The following MROH9 variants were observed in gnomAD, a reference collection of about 807,000 sequenced individuals.
MROH9 encodes maestro heat like repeat family member 9.
A neutral mutation model predicts 98.2 loss-of-function variants in MROH9; 92 were observed. The observed-to-expected ratio is 0.94, with a 90% confidence interval of 0.79 to 1.11. MROH9 has a LOEUF of 1.11. Ranked by LOEUF, MROH9 falls within the 50% of genes most tolerant of loss-of-function variation. The pLI, the probability that MROH9 is intolerant of heterozygous loss-of-function variation, is 0.00. For synonymous variants in MROH9, 397 were observed against 368.9 expected (o/e 1.08, Z -0.87); for missense variants, 1,057 against 1,014.8 (o/e 1.04, Z -0.57).
chr1:171,024,588 T>C, intron 18 of MROH9, 41 bp downstream of exon 18: 1 of 1,529,298 alleles, frequency 6.5e-7, no homozygotes, highest in Non-Finnish European at 8.8e-7. Context: ...TTACCAAGGA[T>C]TGTAATGTTT....
chr1:170,946,742 A>T (rs1649345057), intron 2 of MROH9, among the ~76,000 whole-genome samples: 1 of 152,016 alleles, frequency 6.6e-6, no homozygotes, highest in Non-Finnish European at 1.5e-5. Context: ...TAAAATAATT[A>T]TCAAAGGGCT....
intron 9 of MROH9, among the ~76,000 whole-genome samples, chr1:170,986,174 G>T (rs2101802459): frequency 6.6e-6 from 1 of 152,190 alleles, no homozygotes; most frequent in Non-Finnish European, 1.5e-5. Flanking sequence ...AAAGAGGAAA[G>T]TCCATGCCTT....
intron 20 of MROH9, among the ~76,000 whole-genome samples, chr1:171,045,449 T>C (rs1435603048): frequency 6.6e-6 from 1 of 152,176 alleles, no homozygotes; most frequent in Non-Finnish European, 1.5e-5. Flanking sequence ...ACTTCTCTCT[T>C]AGTACCGCTT....
At chr1:171,052,010 C>A (rs10913470) in intron 20 of MROH9, among the ~76,000 whole-genome samples, 1 of 151,554 alleles carries the variant, frequency 6.6e-6, no homozygotes, top group Admixed American at 6.6e-5. Context: ...TAGAATTCAA[C>A]TGTGGATCAG....
intron 20 of MROH9, among the ~76,000 whole-genome samples, chr1:171,025,758 A>G (rs1652688169): frequency 6.6e-6 from 1 of 152,190 alleles, no homozygotes; most frequent in Non-Finnish European, 1.5e-5. Context: ...TAAAAACATC[A>G]TCTTCGACCA....
At chr1:170,961,281 T>G (rs969899138) in intron 5 of MROH9, among the ~76,000 whole-genome samples, 1 of 152,116 alleles carries the variant, frequency 6.6e-6, no homozygotes, top group Non-Finnish European at 1.5e-5. Flanking sequence ...TATAAACAGC[T>G]AAGGCAAGAG....
At chr1:171,045,150 G>A (rs1267748012) in intron 20 of MROH9, among the ~76,000 whole-genome samples, 4 of 150,934 alleles carry the variant, frequency 2.7e-5, no homozygotes, top group South Asian at 2.1e-4. Context: ...ACAGGCGCCC[G>A]CCACCACGCC....
chr1:171,033,241 C>T lies in MROH9; in HGVS notation c.2281+7821C>T, dbSNP rs111661144. ...TCCCAGTGCTGGCTGCTGCCCCTCC[C>T]CCAAGGAGCTCAAATGGCTTAGGGT... On this transcript the variant is annotated intron_variant, in intron 20 of 21. Coordinates refer to ENST00000367759, the MANE Select transcript of MROH9 (RefSeq NM_001163629.2). 7.3e-3 allele frequency among the ~76,000 whole-genome samples: 1,113 copies of T among 152,364 alleles called. 16 individuals are homozygous for T. The highest frequency in any genetic ancestry group is 0.025 in the African/African-American group (1,022 of 41,586).
chr1:170,959,848 A>G (rs77432863), intron 5 of MROH9, among the ~76,000 whole-genome samples: 2,106 of 152,324 alleles, frequency 0.014, 19 homozygotes, highest in Non-Finnish European at 0.02. Flanking sequence ...TAGCAAGAAT[A>G]GGGAGTTTGC....
chr1:171,010,563 G>A (rs762635194), intron 15 of MROH9, among the ~76,000 whole-genome samples: 3 of 152,114 alleles, frequency 2.0e-5, no homozygotes, highest in Non-Finnish European at 4.4e-5. Flanking sequence ...AGTGTAAAAG[G>A]GTTCCTATTT....
intron 20 of MROH9, among the ~76,000 whole-genome samples, chr1:171,041,638 A>G (rs112300739): frequency 2.0e-4 from 30 of 151,838 alleles, no homozygotes; most frequent in Middle Eastern, 3.4e-3. Flanking sequence ...TTATTTGAGA[A>G]ATCAACATAA....
chr1:171,012,716 G>T (rs1327625967), intron 15 of MROH9, among the ~76,000 whole-genome samples: 1 of 151,888 alleles, frequency 6.6e-6, no homozygotes, highest in African/African-American at 2.4e-5. Context: ...TGTTATCCAG[G>T]ATGGTCTCGA....
Position 170,971,774 on chromosome 1 carries a change from T to A in MROH9, c.507T>A (p.Gly169=). The part of the protein sequence containing the change: ...KYISVDAPCL[G]LLAAELSLLC... Reference sequence around the variant, plus strand: ...TAAGTGTTGATGCTCCATGTTTGGGTCTCCTGGCAGCAGAGCTGTCTCTTT... The same window carrying A: ...TAAGTGTTGATGCTCCATGTTTGGGACTCCTGGCAGCAGAGCTGTCTCTTT... Residue 169 remains glycine, a synonymous_variant, in exon 8 of 22, where the codon GGT becomes GGA. Transcript: ENST00000367759. The A allele has an allele frequency of 6.2e-7, 1 of 1,614,094 alleles. No individual in the cohort carries two copies. The highest frequency in any genetic ancestry group is 1.7e-5 in the Admixed American group (1 of 60,018).
chr1:170,937,600 C>G (rs533726707), intron 1 of MROH9, among the ~76,000 whole-genome samples: 2,323 of 144,892 alleles, frequency 0.016, 32 homozygotes, highest in South Asian at 0.041. Flanking sequence ...CGGCTCACTG[C>G]AAGCTCCGCC....
At chr1:170,960,322 T>C (rs951618540) in intron 5 of MROH9, among the ~76,000 whole-genome samples, 3 of 152,220 alleles carry the variant, frequency 2.0e-5, no homozygotes, top group Non-Finnish European at 4.4e-5. Context: ...TACCCAGAGA[T>C]ACTTTTACTT....
At chr1:170,961,863 T>C (rs1001394643) in intron 5 of MROH9, 27 bp from the exon 6 acceptor site, 13 of 1,210,384 alleles carry the variant, frequency 1.1e-5, no homozygotes, top group Non-Finnish European at 1.4e-5. Context: ...TAAGTCTGGC[T>C]GACTGTGCAA....
chr1:171,008,379 G>C (rs1471860255), intron 15 of MROH9, among the ~76,000 whole-genome samples: 1 of 152,002 alleles, frequency 6.6e-6, no homozygotes, highest in Admixed American at 6.6e-5. Context: ...TTTATATCTT[G>C]TTCAGAGGTG....
At chr1:171,001,672 T>C (rs1651785813) in intron 15 of MROH9, among the ~76,000 whole-genome samples, 1 of 152,142 alleles carries the variant, frequency 6.6e-6, no homozygotes, top group African/African-American at 2.4e-5. Context: ...TCATATATTC[T>C]ATCTTGGAAA....
At chr1:171,012,423 C>T (rs1652183091) in intron 15 of MROH9, among the ~76,000 whole-genome samples, 1 of 151,956 alleles carries the variant, frequency 6.6e-6, no homozygotes, top group South Asian at 2.1e-4. Context: ...TGCTCTGTCA[C>T]TCCCTATCTT....
Sources: allele counts gnomAD v4.1 joint callset (sites outside exome capture counted in the v4.1 genomes callset), GRCh38; gene constraint gnomAD v4.1.1; transcripts MANE v1.5; gene names NCBI Gene and HGNC (gene_info 2026-07-23, HGNC 2026-07-21).